The following TM2D3 variants were observed in gnomAD, a reference collection of about 807,000 sequenced individuals.
TM2D3 encodes TM2 domain containing 3, also known as TM2 domain-containing protein 3.
In TM2D3, 33 loss-of-function variants were observed where a neutral mutation model predicts 27.3. That is an observed-to-expected ratio of 1.21 (90% CI 0.92 to 1.61). The LOEUF is 1.61. TM2D3 is among the 40% of genes most tolerant of loss of function. The pLI is 0.00. For synonymous variants in TM2D3, 138 were observed against 122.2 expected (o/e 1.13, Z -0.85); for missense variants, 364 against 320.8 (o/e 1.13, Z -1.03).
At chr15:101,646,369 C>A in intron 4 of TM2D3, 5 of 103,690 alleles carry the variant, frequency 4.8e-5, no homozygotes, top group Non-Finnish European at 1.3e-4. Context: ...GGGTGGTTAC[C>A]TTGGAAGAGG....
chr15:101,636,856 T>G (rs1896561707), downstream of TM2D3: 1 of 392,148 alleles, frequency 2.6e-6, no homozygotes, highest in Non-Finnish European at 5.1e-6. Context: ...TTTCTTTTAT[T>G]TTTTAGAGAC....
At chr15:101,647,003 T>C in intron 3 of TM2D3, 104 bp from the exon 4 acceptor site, 1 of 1,245,582 alleles carries the variant, frequency 8.0e-7, no homozygotes, top group Non-Finnish European at 1.1e-6. Context: ...TAAATGCTTG[T>C]ATTTAGGACC....
chr15:101,645,070 C>T lies in TM2D3; in HGVS notation c.578+17G>A, dbSNP rs368290372. 6.8e-5 allele frequency: 109 copies of T among 1,608,056 alleles called. No individual in the cohort carries two copies. Among genetic ancestry groups the T allele is most frequent in the Middle Eastern group, 3.3e-4 (2 of 6,072 alleles). On this transcript the variant is annotated intron_variant, in intron 5 of 5. Coordinates refer to ENST00000333202, the MANE Select transcript of TM2D3 (RefSeq NM_078474.3). ...AAATGCAAACGGCCTTTTACACTTA[C>T]GAGTAACAAGGCTTACCTTAGAGCC...
At chr15:101,638,215 C>T (rs772681896), downstream of TM2D3, among the ~76,000 whole-genome samples, 7 of 152,116 alleles carry the variant, frequency 4.6e-5, no homozygotes, top group Non-Finnish European at 8.8e-5. Flanking sequence ...TTTTCACTTC[C>T]CCCAGCAGTA....
downstream of TM2D3, among the ~76,000 whole-genome samples, chr15:101,638,258 C>T (rs1161827621): frequency 6.6e-6 from 1 of 151,814 alleles, no homozygotes; most frequent in African/African-American, 2.4e-5. Context: ...TCTCTTTCTC[C>T]GAATTAACCT....
At chr15:101,646,545 C>T (rs749427543) in intron 4 of TM2D3, 180 bp downstream of exon 4, 1 of 631,758 alleles carries the variant, frequency 1.6e-6, no homozygotes, top group Non-Finnish European at 2.8e-6. Context: ...AAAAGAACTG[C>T]AATTTTCTGG....
chr15:101,640,304 G>A (rs1271418477), downstream of TM2D3, among the ~76,000 whole-genome samples: 1 of 152,126 alleles, frequency 6.6e-6, no homozygotes, highest in Non-Finnish European at 1.5e-5. Flanking sequence ...TTATAGAAGA[G>A]GCCCCAGAGA....
chr15:101,651,594 A>G (rs1896969742), intron 2 of TM2D3, 102 bp downstream of exon 2: 1 of 1,175,688 alleles, frequency 8.5e-7, no homozygotes, highest in Non-Finnish European at 1.2e-6. Context: ...AATATTCAAA[A>G]ATGGAAAGTG....
chr15:101,646,558 G>T, intron 4 of TM2D3, 167 bp downstream of exon 4: 2 of 663,774 alleles, frequency 3.0e-6, no homozygotes, highest in Non-Finnish European at 2.6e-6. Flanking sequence ...TTTTCTGGAT[G>T]CTTTACTTTA....
In TM2D3 at chr15:101,646,751, G is replaced by A. The variant is rs144526936; in HGVS notation, c.476C>T (p.Thr159Met). Residue 159 changes from threonine to methionine, a missense_variant, in exon 4 of 6, where the codon ACG becomes ATG. Physicochemically the swap from Thr to Met is moderately conservative, Grantham distance 81. Coordinates refer to ENST00000333202, the MANE Select transcript of TM2D3 (RefSeq NM_078474.3). ...CPRQRYPANCTVRDHVHCLGN... is the reference protein window; with the variant it reads ...CPRQRYPANCMVRDHVHCLGN... Reference sequence around the variant, plus strand: ...CAAGCAGTGGACGTGGTCCCGCACCGTGCAGTTGGCAGGGTAGCGCTGCCG... The same window carrying A: ...CAAGCAGTGGACGTGGTCCCGCACCATGCAGTTGGCAGGGTAGCGCTGCCG... 25 of 1,614,068 alleles carry A rather than the reference G, an allele frequency of 1.5e-5. No individual in the cohort carries two copies. Among genetic ancestry groups the A allele is most frequent in the Middle Eastern group, 1.6e-4 (1 of 6,084 alleles).
chr15:101,649,944 GT>G, intron 3 of TM2D3, 59 bp downstream of exon 3: 1 of 1,482,922 alleles, frequency 6.7e-7, no homozygotes, highest in Non-Finnish European at 9.3e-7. Context: ...AGTCTGAATT[GT>G]TCTTCTAACT....
downstream of TM2D3, chr15:101,641,826 T>C (rs1260187751): frequency 8.8e-6 from 7 of 793,914 alleles, no homozygotes; most frequent in Non-Finnish European, 9.2e-6. Flanking sequence ...TTATATTTAA[T>C]ATAGAAAACA....
Position 101,651,692 on chromosome 15 carries a change from G to C in TM2D3, c.169+4C>G, listed in dbSNP as rs769981258. 1 of 1,613,998 alleles carries C rather than the reference G, an allele frequency of 6.2e-7. No individual in the cohort carries two copies. The highest frequency in any genetic ancestry group is 8.5e-7 in the Non-Finnish European group (1 of 1,179,870). On this transcript the variant is annotated splice_donor_region_variant and intron_variant, in intron 2 of 5. Transcript: ENST00000333202. ...TATTTACTAGAATAGAAAACGTCTA[G>C]TACCTGCTGCCCTGGGAACTACTGT...
At chr15:101,642,754 C>CAGGG (rs1896701309) in intron 5 of TM2D3, 110 bp from the exon 6 acceptor site, 1 of 854,942 alleles carries the variant, frequency 1.2e-6, no homozygotes, top group African/African-American at 1.7e-5. Flanking sequence ...TTCCCCTGAT[C>CAGGG]GTAGCCCTTA....
At chr15:101,647,404 G>A (rs1006064054) in intron 3 of TM2D3, among the ~76,000 whole-genome samples, 14 of 152,106 alleles carry the variant, frequency 9.2e-5, no homozygotes, top group Non-Finnish European at 1.8e-4. Flanking sequence ...CCTTGCTTCC[G>A]AGTTGCCAAC....
Position 101,642,398 on chromosome 15 carries a change from T to G in TM2D3, c.*81A>C. On this transcript the variant is annotated 3_prime_UTR_variant, in exon 6 of 6. Transcript: ENST00000333202. ...ATGCTGTACATTAAAAACATAGAAA[T>G]ATATCACTCACACCACATCAACTCC... 1 of 1,424,672 alleles carries G rather than the reference T, an allele frequency of 7.0e-7. No individual in the cohort carries two copies. Among genetic ancestry groups the G allele is most frequent in the South Asian group, 1.6e-5 (1 of 62,238 alleles). The allele number at this position is 1,424,672 out of a possible 1,614,324, so 88.3% of individuals were successfully genotyped here. A position where few individuals can be genotyped will look rare whatever the true frequency, so the allele number is the denominator to read the frequency against.
downstream of TM2D3, among the ~76,000 whole-genome samples, chr15:101,637,329 G>A (rs1896572639): frequency 6.6e-6 from 1 of 152,216 alleles, no homozygotes; most frequent in Non-Finnish European, 1.5e-5. Context: ...TTCTTAGACT[G>A]AAAAAGGTGC....
At position 101,650,088 on chromosome 15, in the gene TM2D3, A is replaced by G; in HGVS notation, c.243T>C (p.Cys81=). Residue 81 remains cysteine, a synonymous_variant, in exon 3 of 6, where the codon TGT becomes TGC. Transcript: ENST00000333202. ...AGGAGAAATTTGTTGTGCAGTCTAT[A>G]CAGTCTGCAGGAAGCCTGCTACACA... ...NGLCSRLPAD[C]IDCTTNFSCT... 6.2e-7 allele frequency: 1 copy of G among 1,614,180 alleles called. No homozygotes were observed. The highest frequency in any genetic ancestry group is 8.5e-7 in the Non-Finnish European group (1 of 1,180,000).
downstream of TM2D3, among the ~76,000 whole-genome samples, chr15:101,638,170 C>T (rs118090319): frequency 7.4e-3 from 1,130 of 152,272 alleles, 7 homozygotes; most frequent in Non-Finnish European, 0.012. Flanking sequence ...TGTTTGTTCA[C>T]GAGCCCTCTC....
Sources: allele counts gnomAD v4.1 joint callset (sites outside exome capture counted in the v4.1 genomes callset), GRCh38; gene constraint gnomAD v4.1.1; transcripts MANE v1.5; gene names NCBI Gene and HGNC (gene_info 2026-07-23, HGNC 2026-07-21).